NXPE4: variants seen among roughly 807,000 people sequenced by gnomAD.
The protein encoded by NXPE4 is neurexophilin and PC-esterase domain family member 4.
In NXPE4, 42 loss-of-function variants were observed where a neutral mutation model predicts 33.3. The observed-to-expected ratio is 1.26, with a 90% CI of 0.98 to 1.63. The LOEUF is 1.63. Among genes scored for constraint, NXPE4 ranks in the 40% most tolerant of loss-of-function variants. The probability of loss-of-function intolerance (pLI) is 0.00; values close to 1 mark genes in which losing one functional copy is unlikely to be tolerated. For missense variants in NXPE4, 709 were observed against 647.6 expected, an observed-to-expected ratio of 1.09 and a Z score of -1.03; for synonymous variants, 253 against 234.9, an observed-to-expected ratio of 1.08 and a Z score of -0.71.
chr11:114,627,983 A>C, the NXPE4 span, among the ~76,000 whole-genome samples: 1 of 151,972 alleles, frequency 6.6e-6, no homozygotes, highest in Non-Finnish European at 1.5e-5. Context: ...TCCTAAATAT[A>C]TATGGACCCA....
rs1177069031 is a variant in NXPE4 at position 114,595,622 on chromosome 11, A to G, written c.-41T>C. ...GTTTACAGATTGTTCAATCCCATAC[A>G]TAGACTCTCTGGCGAGCTAGGTGTT... On this transcript the variant is annotated 5_prime_UTR_variant, in exon 1 of 6. An upstream start codon of the reference 5' UTR is lost. Transcript: ENST00000375478. 6.6e-6 allele frequency: 1 copy of G among 152,324 alleles called. No homozygotes were observed. The highest frequency in any genetic ancestry group is 2.4e-5 in the African/African-American group (1 of 41,442). 9.4% of individuals were successfully genotyped at this position (152,324 alleles called of 1,614,324 possible).
chr11:114,622,536 C>A, the NXPE4 span, among the ~76,000 whole-genome samples: 1 of 152,034 alleles, frequency 6.6e-6, no homozygotes, highest in East Asian at 1.9e-4. Context: ...ACCACTGTTA[C>A]CCTGTGGATA....
chr11:114,613,390 C>T, the NXPE4 span, among the ~76,000 whole-genome samples: 1 of 151,396 alleles, frequency 6.6e-6, no homozygotes, highest in Non-Finnish European at 1.5e-5. Context: ...ATAAGTGTTG[C>T]CTCGTGGGTG....
At chr11:114,581,344 C>A (rs1439842308) in intron 4 of NXPE4, among the ~76,000 whole-genome samples, 1 of 152,088 alleles carries the variant, frequency 6.6e-6, no homozygotes, top group Admixed American at 6.6e-5. Context: ...AGGTTGGAAA[C>A]CTCTAGATGG....
At position 114,571,406 on chromosome 11, in the gene NXPE4, C is replaced by A; in HGVS notation, c.1167G>T (p.Arg389Ser). ...ATTTTTGCCACTGGATGTTGATGTT[C>A]CTATCCAAATCCACAGCAAGCTGGT... is the stretch of plus-strand genomic sequence containing the variant. ...LQHQLAVDLD[R>S]NINIQWQKYC... The change falls in exon 6 of 6, where the codon AGG (arginine) becomes AGT (serine). Residue 389 changes from arginine to serine, a missense_variant. Coordinates refer to ENST00000375478, the MANE Select transcript of NXPE4 (RefSeq NM_001077639.2). 2 of 1,613,508 alleles carry A rather than the reference C, an allele frequency of 1.2e-6. No individual in the cohort carries two copies. The highest frequency in any genetic ancestry group is 1.7e-6 in the Non-Finnish European group (2 of 1,179,576).
the NXPE4 span, among the ~76,000 whole-genome samples, chr11:114,629,922 T>C: frequency 6.6e-6 from 1 of 150,404 alleles, no homozygotes; most frequent in African/African-American, 2.5e-5. Context: ...CCATTCACAA[T>C]TGCTTCAAAG....
the NXPE4 span, among the ~76,000 whole-genome samples, chr11:114,641,195 A>G: frequency 1.3e-5 from 2 of 152,044 alleles, no homozygotes; most frequent in Non-Finnish European, 2.9e-5. Flanking sequence ...GAAATAATCA[A>G]GAAGGAATAT....
Position 114,570,766 on chromosome 11 carries a change from C to T in NXPE4, c.*172G>A. The T allele has an allele frequency of 1.9e-6, 1 of 525,546 alleles. No homozygotes were observed. Among genetic ancestry groups the T allele is most frequent in the South Asian group, 3.3e-5 (1 of 30,596 alleles). 32.6% of individuals were successfully genotyped at this position (525,546 alleles called of 1,614,324 possible). A position where few individuals can be genotyped will look rare whatever the true frequency, so the allele number is the denominator to read the frequency against. ...TTTAGTTTTATTTTTAAGTGGAAGC[C>T]CAGATTAGAAACATCTCATTTAGCT... On this transcript the variant is annotated 3_prime_UTR_variant, in exon 6 of 6. Coordinates refer to ENST00000375478, the MANE Select transcript of NXPE4 (RefSeq NM_001077639.2).
the NXPE4 span, among the ~76,000 whole-genome samples, chr11:114,633,383 A>G: frequency 1.4e-5 from 2 of 143,808 alleles, no homozygotes; most frequent in African/African-American, 2.5e-5. Context: ...ATTATGTATT[A>G]TATTATATAT....
At chr11:114,629,898 T>A in the NXPE4 span, among the ~76,000 whole-genome samples, 1 of 150,362 alleles carries the variant, frequency 6.7e-6, no homozygotes, top group Non-Finnish European at 1.5e-5. Context: ...GAGAGCCAAA[T>A]CATGAGTGAA....
chr11:114,597,047 C>G (rs11215080), upstream of NXPE4, among the ~76,000 whole-genome samples: 65,255 of 151,850 alleles, frequency 0.43, 15,199 homozygotes, highest in African/African-American at 0.61. Flanking sequence ...AGAATGAAAA[C>G]TAGGAAGTTG....
chr11:114,640,415 T>C, the NXPE4 span, among the ~76,000 whole-genome samples: 1 of 151,368 alleles, frequency 6.6e-6, no homozygotes. Flanking sequence ...TGTGCTGCAA[T>C]ATATATTCAC....
chr11:114,607,521 G>A, the NXPE4 span, among the ~76,000 whole-genome samples: 1 of 151,974 alleles, frequency 6.6e-6, no homozygotes, highest in African/African-American at 2.4e-5. Flanking sequence ...TGCCTGGTGG[G>A]TAACCACTGT....
chr11:114,638,273 G>A, the NXPE4 span, among the ~76,000 whole-genome samples: 1 of 151,940 alleles, frequency 6.6e-6, no homozygotes, highest in African/African-American at 2.4e-5. Flanking sequence ...TGAGGCTTCT[G>A]CATTCTTCAT....
the NXPE4 span, among the ~76,000 whole-genome samples, chr11:114,629,746 C>T: frequency 1.9e-4 from 29 of 151,348 alleles, no homozygotes; most frequent in Admixed American, 9.2e-4. Context: ...TGTTTGCAGA[C>T]GACATGATTG....
chr11:114,663,645 C>T, the NXPE4 span, among the ~76,000 whole-genome samples: 32 of 65,008 alleles, frequency 4.9e-4, no homozygotes, highest in South Asian at 1.4e-3. Flanking sequence ...ATCATCTATC[C>T]ATCTATCATC....
At chr11:114,633,380 A>G in the NXPE4 span, among the ~76,000 whole-genome samples, 10 of 143,902 alleles carry the variant, frequency 6.9e-5, no homozygotes, top group Non-Finnish European at 1.4e-4. Context: ...TATATTATGT[A>G]TTATATTATA....
At chr11:114,576,215 G>C (rs1171011339) in intron 5 of NXPE4, among the ~76,000 whole-genome samples, 1 of 152,068 alleles carries the variant, frequency 6.6e-6, no homozygotes, top group African/African-American at 2.4e-5. Context: ...ATGGATCAAA[G>C]ACTTAAATTT....
the NXPE4 span, among the ~76,000 whole-genome samples, chr11:114,637,286 C>T: frequency 2.6e-5 from 4 of 151,676 alleles, no homozygotes; most frequent in Non-Finnish European, 5.9e-5. Flanking sequence ...GGATTGCAAT[C>T]CCTGCATTTT....
Sources: allele counts gnomAD v4.1 joint callset (sites outside exome capture counted in the v4.1 genomes callset), GRCh38; gene constraint gnomAD v4.1.1; transcripts MANE v1.5; gene names NCBI Gene and HGNC (gene_info 2026-07-23, HGNC 2026-07-21).